Variants in BRINP1 observed in about 807,000 individuals in gnomAD.
The protein encoded by BRINP1 is BMP/retinoic acid-inducible neural-specific protein 1.
BRINP1 carries 17 observed loss-of-function variants against 72.9 expected under a neutral mutation model. The ratio of observed to expected loss-of-function variants is 0.23; its 90% CI spans 0.16 to 0.35. The LOEUF (loss-of-function observed/expected upper bound fraction) is 0.35. BRINP1 is among the 10% of genes least tolerant of loss of function. The pLI, the probability that BRINP1 is intolerant of heterozygous loss-of-function variation, is 1.00. For synonymous variants in BRINP1, 418 were observed against 378.5 expected (o/e 1.10, Z -1.21); for missense variants, 850 against 1,001.6 (o/e 0.85, Z 2.04).
chr9:119,303,671 T>C (rs1564243346), intron 2 of BRINP1, among the ~76,000 whole-genome samples: 1 of 152,028 alleles, frequency 6.6e-6, no homozygotes, highest in South Asian at 2.1e-4. Context: ...GTCTTCCTAG[T>C]ATAAGAATGG....
chr9:119,209,991 T>A (rs1829906025), intron 6 of BRINP1, among the ~76,000 whole-genome samples: 1 of 152,230 alleles, frequency 6.6e-6, no homozygotes, highest in South Asian at 2.1e-4. Flanking sequence ...TGCCTCAGTT[T>A]GTGATGCTGA....
chr9:119,330,753 T>C (rs1382890133), intron 1 of BRINP1, among the ~76,000 whole-genome samples: 2 of 152,258 alleles, frequency 1.3e-5, no homozygotes, highest in Non-Finnish European at 2.9e-5. Flanking sequence ...CAAGGCTGGA[T>C]GCAGTGGCTC....
At chr9:119,276,578 C>G (rs1429868628) in intron 2 of BRINP1, among the ~76,000 whole-genome samples, 1 of 152,122 alleles carries the variant, frequency 6.6e-6, no homozygotes, top group East Asian at 1.9e-4. Flanking sequence ...TGCATTAACC[C>G]ATCGGTGGAT....
chr9:119,265,509 A>G (rs1396111840), intron 2 of BRINP1, among the ~76,000 whole-genome samples: 1 of 152,114 alleles, frequency 6.6e-6, no homozygotes, highest in East Asian at 1.9e-4. Flanking sequence ...AGGTGAGAGA[A>G]TCACTTGAAC....
In BRINP1 at chr9:119,241,025, G is replaced by A. The variant is rs114988708; in HGVS notation, c.579+1022C>T. Among the ~76,000 whole-genome samples the A allele has an allele frequency of 3.9e-3, 595 of 152,256 alleles. 3 individuals are homozygous for A. The highest frequency in any genetic ancestry group is 0.014 in the African/African-American group (567 of 41,554). On this transcript the variant is annotated intron_variant, in intron 4 of 7. Transcript: ENST00000265922. ...ATGTCGAGGATGTCCTCCCACATTCGCTTTATAGAGGCTGTCTGAATTTGT... is the reference window on the plus strand; with the variant it reads ...ATGTCGAGGATGTCCTCCCACATTCACTTTATAGAGGCTGTCTGAATTTGT...
intron 6 of BRINP1, among the ~76,000 whole-genome samples, chr9:119,210,963 A>C (rs1424537652): frequency 1.3e-5 from 2 of 152,164 alleles, no homozygotes; most frequent in Non-Finnish European, 2.9e-5. Context: ...ACACTGATTG[A>C]TTGACTCAGT....
chr9:119,234,899 T>C (rs1042188249), intron 5 of BRINP1, among the ~76,000 whole-genome samples: 1 of 152,136 alleles, frequency 6.6e-6, no homozygotes, highest in Non-Finnish European at 1.5e-5. Context: ...GACTATTAGG[T>C]TATATATTAT....
Position 119,209,155 on chromosome 9 carries a change from A to G in BRINP1, c.923-214T>C, listed in dbSNP as rs532101610. Among the ~76,000 whole-genome samples the G allele has an allele frequency of 2.9e-4, 44 of 152,362 alleles. 1 individual carries two copies. In the South Asian group the frequency reaches 9.1e-3, roughly 32 times the overall value. On this transcript the variant is annotated intron_variant, in intron 6 of 7. Transcript: ENST00000265922. ...CTTATGAAGGGAATCTGCATACCGC[A>G]TTCTTGCTTAAGACAGGGCTTCCCA... is the stretch of plus-strand genomic sequence containing the variant.
At chr9:119,227,001 G>GA (rs1830098829) in intron 5 of BRINP1, among the ~76,000 whole-genome samples, 1 of 151,906 alleles carries the variant, frequency 6.6e-6, no homozygotes, top group African/African-American at 2.4e-5. Context: ...TTTCAAATCT[G>GA]AAAAATGGGA....
At chr9:119,277,247 T>G (rs749166023) in intron 2 of BRINP1, among the ~76,000 whole-genome samples, 9 of 152,340 alleles carry the variant, frequency 5.9e-5, no homozygotes, top group Non-Finnish European at 1.3e-4. Context: ...TTTTCCCTTC[T>G]GCCCACATCC....
chr9:119,336,956 G>C (rs1219119439), intron 1 of BRINP1, among the ~76,000 whole-genome samples: 1 of 152,178 alleles, frequency 6.6e-6, no homozygotes, highest in Admixed American at 6.5e-5. Context: ...GGATGGGGAA[G>C]CCTTTTCTTT....
intron 3 of BRINP1, among the ~76,000 whole-genome samples, chr9:119,248,748 T>A (rs778428407): frequency 4.3e-4 from 65 of 152,140 alleles, no homozygotes; most frequent in Non-Finnish European, 7.8e-4. Flanking sequence ...TTTAGTAAAC[T>A]CTCAAATTAG....
At chr9:119,249,282 T>C in intron 2 of BRINP1, 132 bp from the exon 3 acceptor site, 1 of 754,942 alleles carries the variant, frequency 1.3e-6, no homozygotes. Flanking sequence ...TGTCAAGTGA[T>C]GCTTTGATCT....
intron 2 of BRINP1, among the ~76,000 whole-genome samples, chr9:119,309,744 C>T (rs1831041611): frequency 6.6e-6 from 1 of 152,100 alleles, no homozygotes; most frequent in African/African-American, 2.4e-5. Context: ...ATCATTGTTT[C>T]ATTATTCACT....
At chr9:119,331,376 A>G (rs1272500630) in intron 1 of BRINP1, among the ~76,000 whole-genome samples, 1 of 152,208 alleles carries the variant, frequency 6.6e-6, no homozygotes, top group Admixed American at 6.5e-5. Context: ...TAAGACAATC[A>G]CATGATTTTG....
chr9:119,227,828 A>G (rs183295902), intron 5 of BRINP1, among the ~76,000 whole-genome samples: 5 of 152,102 alleles, frequency 3.3e-5, no homozygotes, highest in Non-Finnish European at 5.9e-5. Flanking sequence ...CTGTCTTTTC[A>G]TCCTCTTTGA....
chr9:119,327,122 G>A (rs759617983), intron 1 of BRINP1, among the ~76,000 whole-genome samples: 27 of 152,296 alleles, frequency 1.8e-4, no homozygotes, highest in Non-Finnish European at 2.9e-4. Context: ...CCAACAACTG[G>A]TAGTTTCTTG....
At chr9:119,221,316 T>C (rs1830039477) in intron 5 of BRINP1, among the ~76,000 whole-genome samples, 1 of 152,050 alleles carries the variant, frequency 6.6e-6, no homozygotes, top group African/African-American at 2.4e-5. Context: ...ATCCCCTTCC[T>C]TGTGAAAGCC....
At chr9:119,291,635 T>C (rs570144524) in intron 2 of BRINP1, among the ~76,000 whole-genome samples, 2 of 152,316 alleles carry the variant, frequency 1.3e-5, no homozygotes, top group South Asian at 2.1e-4. Flanking sequence ...CCAGTGTCAG[T>C]GGCTACTTTT....
Sources: allele counts gnomAD v4.1 joint callset (sites outside exome capture counted in the v4.1 genomes callset), GRCh38; gene constraint gnomAD v4.1.1; transcripts MANE v1.5; gene names NCBI Gene and HGNC (gene_info 2026-07-23, HGNC 2026-07-21).